The following MYOCD variants were observed in gnomAD, a reference collection of about 807,000 sequenced individuals.
The protein encoded by MYOCD is myocardin.
MYOCD carries 32 observed loss-of-function variants against 96.1 expected under a neutral mutation model. That is an observed-to-expected ratio of 0.33 (90% CI 0.25 to 0.45). The LOEUF is 0.45. Among genes scored for constraint, MYOCD ranks in the 20% least tolerant of loss-of-function variants. The pLI, the probability that MYOCD is intolerant of heterozygous loss-of-function variation, is 1.00. For synonymous variants in MYOCD, 469 were observed against 469.0 expected, an observed-to-expected ratio of 1.00 and a Z score of 0.00; for missense variants, 1,133 against 1,200.6, an observed-to-expected ratio of 0.94 and a Z score of 0.83.
intron 2 of MYOCD, among the ~76,000 whole-genome samples, chr17:12,713,113 A>G (rs1471753094): frequency 6.6e-6 from 1 of 152,172 alleles, no homozygotes; most frequent in African/African-American, 2.4e-5. Context: ...CATGTGGTAA[A>G]ATGCAGCATG....
intron 4 of MYOCD, among the ~76,000 whole-genome samples, chr17:12,718,360 C>T (rs748134033): frequency 1.3e-5 from 2 of 152,072 alleles, no homozygotes; most frequent in Non-Finnish European, 2.9e-5. Flanking sequence ...TGGGCTGGAA[C>T]GTGAGGGCTG....
chr17:12,754,302 C>T (rs2032949792), intron 10 of MYOCD, among the ~76,000 whole-genome samples: 1 of 152,156 alleles, frequency 6.6e-6, no homozygotes, highest in African/African-American at 2.4e-5. Flanking sequence ...CAGAGTTTCA[C>T]CATGTTGGCC....
At chr17:12,715,994 T>C (rs981547893) in intron 3 of MYOCD, among the ~76,000 whole-genome samples, 3 of 152,228 alleles carry the variant, frequency 2.0e-5, no homozygotes, top group Non-Finnish European at 2.9e-5. Flanking sequence ...CATTTGTAGC[T>C]ACTTAAAGGC....
Position 12,763,129 on chromosome 17 carries a change from C to T in MYOCD, c.2446C>T (p.Pro816Ser), listed in dbSNP as rs756923776. Residue 816 changes from proline to serine, a missense_variant, in exon 14 of 14, where the codon CCC (proline) becomes TCC (serine). By Grantham distance (74) the Pro-to-Ser change is moderately conservative. Transcript: ENST00000425538. The part of the protein sequence containing the change: ...HSCLQKVPKI[P>S]RSSRSPTAVL... ...ATGTCTTCAAAAAGTCCCAAAGATACCCAGATCTTCCCGAAGTCCAACTGC... is the reference window on the plus strand; with the variant it reads ...ATGTCTTCAAAAAGTCCCAAAGATATCCAGATCTTCCCGAAGTCCAACTGC... 12 of 1,614,086 alleles carry T rather than the reference C, an allele frequency of 7.4e-6. No homozygotes were observed. Among genetic ancestry groups the T allele is most frequent in the South Asian group, 1.1e-5 (1 of 91,050 alleles).
chr17:12,741,624 G>A (rs1193377953), intron 7 of MYOCD, among the ~76,000 whole-genome samples: 3 of 151,944 alleles, frequency 2.0e-5, no homozygotes, highest in Non-Finnish European at 4.4e-5. Flanking sequence ...CAGGATAATC[G>A]CTTGAACCCA....
At chr17:12,720,946 C>T (rs937459751) in intron 4 of MYOCD, among the ~76,000 whole-genome samples, 1 of 150,202 alleles carries the variant, frequency 6.7e-6, no homozygotes, top group Non-Finnish European at 1.5e-5. Flanking sequence ...GGCGTGAACC[C>T]GGGAGGCAGA....
At chr17:12,686,487 CCA>C (rs1274843002) in intron 1 of MYOCD, among the ~76,000 whole-genome samples, 1 of 152,118 alleles carries the variant, frequency 6.6e-6, no homozygotes, top group East Asian at 1.9e-4. Flanking sequence ...GAATGTAGGC[CCA>C]GTTTTCTTTT....
chr17:12,691,381 C>T (rs2030437955), intron 1 of MYOCD, among the ~76,000 whole-genome samples: 1 of 152,184 alleles, frequency 6.6e-6, no homozygotes. Context: ...GCAACGTCTC[C>T]ATGTGATGCC....
intron 7 of MYOCD, among the ~76,000 whole-genome samples, chr17:12,739,956 G>A (rs1338749094): frequency 5.3e-5 from 8 of 151,646 alleles, no homozygotes; most frequent in African/African-American, 1.7e-4. Context: ...TCTTTTTTGA[G>A]ACAGAGTCTC....
At chr17:12,696,054 G>T (rs2030732943) in intron 1 of MYOCD, among the ~76,000 whole-genome samples, 1 of 151,792 alleles carries the variant, frequency 6.6e-6, no homozygotes, top group African/African-American at 2.4e-5. Context: ...TTCCTTTGTT[G>T]TTGTTGTTGT....
chr17:12,695,504 A>G (rs984212512), intron 1 of MYOCD, among the ~76,000 whole-genome samples: 4 of 152,206 alleles, frequency 2.6e-5, no homozygotes, highest in Admixed American at 6.5e-5. Context: ...ATATTTTGCA[A>G]TGTTTCTGCA....
intron 1 of MYOCD, among the ~76,000 whole-genome samples, chr17:12,704,294 G>A (rs929103869): frequency 2.6e-5 from 4 of 152,134 alleles, no homozygotes; most frequent in African/African-American, 9.7e-5. Flanking sequence ...AAGATAGAAT[G>A]TGTTTGGAGG....
intron 1 of MYOCD, among the ~76,000 whole-genome samples, chr17:12,687,466 C>T (rs2030186040): frequency 6.6e-6 from 1 of 152,092 alleles, no homozygotes; most frequent in Non-Finnish European, 1.5e-5. Context: ...AGGAAGATGG[C>T]TTTGTGGGTG....
At chr17:12,726,385 A>G (rs974999520) in intron 5 of MYOCD, among the ~76,000 whole-genome samples, 5 of 152,208 alleles carry the variant, frequency 3.3e-5, no homozygotes, top group African/African-American at 1.2e-4. Context: ...GCAGGCACAC[A>G]GGCCTCAGTT....
intron 1 of MYOCD, among the ~76,000 whole-genome samples, chr17:12,696,860 A>C (rs2150663684): frequency 6.6e-6 from 1 of 152,348 alleles, no homozygotes; most frequent in Admixed American, 6.5e-5. Flanking sequence ...CAGAGAAAAC[A>C]CATGTCACTG....
intron 5 of MYOCD, among the ~76,000 whole-genome samples, chr17:12,730,218 G>C (rs948161385): frequency 6.6e-6 from 1 of 151,996 alleles, no homozygotes; most frequent in Non-Finnish European, 1.5e-5. Flanking sequence ...GAGGCTGAGC[G>C]GTGGTGGATC....
chr17:12,766,570 T>A lies in MYOCD; in HGVS notation c.*2926T>A, dbSNP rs2085911113. 1 of 152,208 alleles carries A rather than the reference T, an allele frequency of 6.6e-6. No homozygotes were observed. The highest frequency in any genetic ancestry group is 6.5e-5 in the Admixed American group (1 of 15,280). The allele number at this position is 152,208 out of a possible 1,614,324, so 9.4% of individuals were successfully genotyped here. A position where few individuals can be genotyped will look rare whatever the true frequency, so the allele number is the denominator to read the frequency against. On this transcript the variant is annotated 3_prime_UTR_variant, in exon 14 of 14. Coordinates refer to ENST00000425538, the MANE Select transcript of MYOCD (RefSeq NM_001146312.3). ...GATGAAGTTGGCTGCTTCCAGTAGA[T>A]CAGATAATCCATGAATTTGTCTCCC... is the stretch of plus-strand genomic sequence containing the variant.
At chr17:12,698,919 T>G (rs2030919419) in intron 1 of MYOCD, among the ~76,000 whole-genome samples, 1 of 151,580 alleles carries the variant, frequency 6.6e-6, no homozygotes, top group Non-Finnish European at 1.5e-5. Flanking sequence ...ATTTTTTGTA[T>G]TTTTAGTAAA....
At chr17:12,711,563 T>C (rs1388073684) in intron 2 of MYOCD, among the ~76,000 whole-genome samples, 3 of 152,232 alleles carry the variant, frequency 2.0e-5, no homozygotes, top group Non-Finnish European at 2.9e-5. Flanking sequence ...TACCAGCTAG[T>C]GCTTGTTGAT....
Sources: allele counts gnomAD v4.1 joint callset (sites outside exome capture counted in the v4.1 genomes callset), GRCh38; gene constraint gnomAD v4.1.1; transcripts MANE v1.5; gene names NCBI Gene and HGNC (gene_info 2026-07-23, HGNC 2026-07-21).